The following GLB1L3 variants were observed in gnomAD, a reference collection of about 807,000 sequenced individuals.
The protein encoded by GLB1L3 is beta-galactosidase-1-like protein 3.
GLB1L3 carries 89 observed loss-of-function variants against 89.5 expected under a neutral mutation model. The observed-to-expected ratio is 0.99, with a 90% CI of 0.84 to 1.19. GLB1L3 has a LOEUF of 1.19. Among genes scored for constraint, GLB1L3 ranks in the 50% most tolerant of loss-of-function variants. The pLI, the probability that GLB1L3 is intolerant of heterozygous loss-of-function variation, is 0.00. For missense variants in GLB1L3, 812 were observed against 813.3 expected (o/e 1.00, Z 0.02); for synonymous variants, 314 against 312.3 (o/e 1.01, Z -0.06).
At chr11:134,291,082 C>T (rs1232441000) in intron 7 of GLB1L3, among the ~76,000 whole-genome samples, 3 of 152,068 alleles carry the variant, frequency 2.0e-5, no homozygotes, top group Admixed American at 6.5e-5. Context: ...AATTCAAACC[C>T]GTGTCTAGCT....
chr11:134,286,759 A>G (rs1200526047), intron 6 of GLB1L3, among the ~76,000 whole-genome samples: 2 of 151,424 alleles, frequency 1.3e-5, no homozygotes, highest in Non-Finnish European at 2.9e-5. Context: ...CCTGGGCGAC[A>G]GAGCGAGACT....
At chr11:134,291,844 G>A (rs530507437) in intron 7 of GLB1L3, among the ~76,000 whole-genome samples, 44 of 152,272 alleles carry the variant, frequency 2.9e-4, no homozygotes, top group Admixed American at 6.5e-4. Flanking sequence ...ACATGGTGGC[G>A]TGTGCCTGTA....
At chr11:134,321,281 C>G (rs1374302612), downstream of GLB1L3, among the ~76,000 whole-genome samples, 1 of 152,098 alleles carries the variant, frequency 6.6e-6, no homozygotes, top group African/African-American at 2.4e-5. Context: ...AGTTAATAAA[C>G]TAAGCTTAAT....
At chr11:134,305,183 C>T in intron 9 of GLB1L3, 2 of 1,160,906 alleles carry the variant, frequency 1.7e-6, no homozygotes, top group Non-Finnish European at 2.5e-6. Flanking sequence ...CCTTATAGTT[C>T]TTATCTGTGA....
At chr11:134,308,467 C>CAT (rs1942473048) in intron 10 of GLB1L3, among the ~76,000 whole-genome samples, 2 of 18,016 alleles carry the variant, frequency 1.1e-4, no homozygotes, top group Admixed American at 5.6e-4. Context: ...ACCACCACCA[C>CAT]CACCAAATAC....
At chr11:134,311,555 C>T (rs563338372) in intron 13 of GLB1L3, 1 of 177,826 alleles carries the variant, frequency 5.6e-6, no homozygotes, top group East Asian at 1.6e-4. Context: ...CACTGCTCCC[C>T]CTTTTCCATC....
At chr11:134,275,908 G>C (rs1393597293), upstream of GLB1L3, 1 of 152,352 alleles carries the variant, frequency 6.6e-6, no homozygotes, top group Non-Finnish European at 1.5e-5. Context: ...GCGCCTACCT[G>C]AGAGGACGCC....
chr11:134,318,488 G>A, intron 18 of GLB1L3, 143 bp from the exon 19 acceptor site: 1 of 612,672 alleles, frequency 1.6e-6, no homozygotes, highest in Non-Finnish European at 2.9e-6. Flanking sequence ...CAAGGTAGAA[G>A]TTCTATAACA....
At position 134,292,184 on chromosome 11, in the gene GLB1L3, A is replaced by G; in HGVS notation, c.782A>G (p.Lys261Arg). The G allele has an allele frequency of 1.2e-6, 2 of 1,613,604 alleles. No homozygotes were observed. The highest frequency in any genetic ancestry group is 1.7e-6 in the Non-Finnish European group (2 of 1,179,680). ...VELLLTSDGE[K>R]HVLSGHTKGV... ...CTTCTCTTGACCTCTGATGGTGAGA[A>G]ACATGTGCTGAGTGGCCACACCAAA... Residue 261 changes from lysine (K) to arginine (R), a missense_variant, in exon 8 of 20, where the codon AAA (lysine) becomes AGA (arginine). Physicochemically the swap from Lys to Arg is conservative, Grantham distance 26. This residue lies in a region of GLB1L3 where 618 missense variants were observed against 604.0 expected (regional missense o/e 1.02). Coordinates refer to ENST00000431683, the MANE Select transcript of GLB1L3 (RefSeq NM_001080407.3).
chr11:134,320,334 T>G (rs1182724678), downstream of GLB1L3, among the ~76,000 whole-genome samples: 1 of 152,194 alleles, frequency 6.6e-6, no homozygotes, highest in Non-Finnish European at 1.5e-5. Flanking sequence ...GTGAGATACC[T>G]CCACAATTCT....
chr11:134,305,573 C>A (rs568794927), intron 9 of GLB1L3, among the ~76,000 whole-genome samples: 19 of 152,260 alleles, frequency 1.2e-4, no homozygotes, highest in African/African-American at 4.6e-4. Context: ...ACAATTTTAA[C>A]ACCAGAAGTC....
rs1201592654 is a variant in GLB1L3, at chr11:134,312,888, G to T, written c.1500+1G>T. On this transcript the variant is annotated splice_donor_variant, in intron 15 of 19. Coordinates refer to ENST00000431683, the MANE Select transcript of GLB1L3 (RefSeq NM_001080407.3). LOFTEE classifies it high-confidence loss of function. ...GGACCTGCACATTCCTGAACTCAGG[G>T]TATGTAATTTGAGAGTCCAGGTGAT... is the stretch of plus-strand genomic sequence containing the variant. The T allele has an allele frequency of 1.9e-6, 3 of 1,599,850 alleles. No individual in the cohort carries two copies. Among genetic ancestry groups the T allele is most frequent in the Non-Finnish European group, 2.6e-6 (3 of 1,169,146 alleles).
downstream of GLB1L3, among the ~76,000 whole-genome samples, chr11:134,321,940 AAC>A (rs1431270116): frequency 6.6e-6 from 1 of 152,202 alleles, no homozygotes; most frequent in East Asian, 1.9e-4. Context: ...TACAAGTAGA[AAC>A]ACATATTAAG....
At chr11:134,321,593 A>G (rs1943169985), downstream of GLB1L3, among the ~76,000 whole-genome samples, 1 of 152,206 alleles carries the variant, frequency 6.6e-6, no homozygotes, top group African/African-American at 2.4e-5. Context: ...GCAGCCATAA[A>G]AAAGGAGGAG....
chr11:134,296,373 C>T (rs1336833392), intron 9 of GLB1L3, among the ~76,000 whole-genome samples: 10 of 137,572 alleles, frequency 7.3e-5, no homozygotes, highest in Non-Finnish European at 1.4e-4. Context: ...AATCATGCTG[C>T]TATAAAGACA....
At chr11:134,287,435 TTTAA>T (rs1941080067) in intron 6 of GLB1L3, 1 of 152,266 alleles carries the variant, frequency 6.6e-6, no homozygotes, top group African/African-American at 2.4e-5. Flanking sequence ...TCATTATTGT[TTTAA>T]TTATTATGTA....
At position 134,317,847 on chromosome 11, in the gene GLB1L3, T is replaced by C. The variant is rs185278087; in HGVS notation, c.1780-784T>C. On this transcript the variant is annotated intron_variant, in intron 18 of 19. Coordinates refer to ENST00000431683, the MANE Select transcript of GLB1L3 (RefSeq NM_001080407.3). Reference sequence around the variant, plus strand: ...TTTTGAATCTCTGCTTTTATCTTTCTTATGTATGTTGTATATACATTTTTG... The same window carrying C: ...TTTTGAATCTCTGCTTTTATCTTTCCTATGTATGTTGTATATACATTTTTG... Among the ~76,000 whole-genome samples the C allele has an allele frequency of 3.6e-3, 555 of 152,336 alleles. 2 individuals carry two copies. Among genetic ancestry groups the C allele is most frequent in the African/African-American group, 0.013 (528 of 41,582 alleles).
chr11:134,318,812 G>A, intron 19 of GLB1L3, 65 bp downstream of exon 19: 1 of 1,544,568 alleles, frequency 6.5e-7, no homozygotes, highest in Non-Finnish European at 9.0e-7. Flanking sequence ...GAGTTGCAGT[G>A]TCTTTTTCAA....
intron 6 of GLB1L3, among the ~76,000 whole-genome samples, chr11:134,284,854 C>G (rs1940894970): frequency 6.6e-6 from 1 of 151,912 alleles, no homozygotes; most frequent in Admixed American, 6.6e-5. Context: ...TGTAAGTCTA[C>G]CTGCTATTGC....
Sources: allele counts gnomAD v4.1 joint callset (sites outside exome capture counted in the v4.1 genomes callset), GRCh38; gene constraint gnomAD v4.1.1; regional missense constraint gnomAD v4.1.1; transcripts MANE v1.5; gene names NCBI Gene and HGNC (gene_info 2026-07-23, HGNC 2026-07-21).